MALRD1: variants seen among roughly 807,000 people sequenced by gnomAD.
MALRD1 encodes MAM and LDL receptor class A domain containing 1.
A neutral mutation model predicts 242.1 loss-of-function variants in MALRD1; 247 were observed. The observed-to-expected ratio is 1.02, with a 90% CI of 0.92 to 1.13. MALRD1 has a LOEUF of 1.13. MALRD1 is among the 50% of genes most tolerant of loss of function. The pLI, the probability that MALRD1 is intolerant of heterozygous loss-of-function variation, is 0.00. For missense variants in MALRD1, 2,989 were observed against 2,533.1 expected (o/e 1.18, Z -3.86); for synonymous variants, 995 against 866.6 (o/e 1.15, Z -2.60).
intron 27 of MALRD1, among the ~76,000 whole-genome samples, chr10:19,388,869 C>A: frequency 9.8e-6 from 1 of 101,696 alleles, no homozygotes. Context: ...ATTGAAATTC[C>A]ATAGGTCTAC....
At chr10:19,341,432 C>G (rs1372022429) in intron 24 of MALRD1, among the ~76,000 whole-genome samples, 1 of 98,990 alleles carries the variant, frequency 1.0e-5, no homozygotes, top group Non-Finnish European at 2.1e-5. Flanking sequence ...TAAAATAACA[C>G]TATATGTATA....
chr10:19,703,029 A>G (rs1293837629), intron 38 of MALRD1, among the ~76,000 whole-genome samples: 2 of 152,140 alleles, frequency 1.3e-5, no homozygotes, highest in African/African-American at 4.8e-5. Flanking sequence ...ATTTTATTAT[A>G]CATTCTGTGA....
chr10:19,446,076 C>A (rs1236077668), intron 28 of MALRD1, among the ~76,000 whole-genome samples: 1 of 152,148 alleles, frequency 6.6e-6, no homozygotes, highest in Non-Finnish European at 1.5e-5. Flanking sequence ...GGGCGTGGGA[C>A]CCTCCGAGCC....
At chr10:19,571,183 A>G (rs138306313) in intron 33 of MALRD1, among the ~76,000 whole-genome samples, 1 of 152,280 alleles carries the variant, frequency 6.6e-6, no homozygotes, top group East Asian at 1.9e-4. Flanking sequence ...ATCAGGCAGA[A>G]TAAACATTAT....
intron 21 of MALRD1, among the ~76,000 whole-genome samples, chr10:19,311,786 T>C (rs1842437455): frequency 6.6e-6 from 1 of 151,410 alleles, no homozygotes; most frequent in African/African-American, 2.4e-5. Context: ...CAAATCAAAG[T>C]TTCCTTTCAA....
At chr10:19,079,317 T>A (rs552469819) in intron 2 of MALRD1, among the ~76,000 whole-genome samples, 2 of 152,014 alleles carry the variant, frequency 1.3e-5, no homozygotes, top group South Asian at 4.1e-4. Context: ...TTAATTTAAA[T>A]CATTCTGTTA....
chr10:19,691,889 T>C (rs1009081530), intron 36 of MALRD1, among the ~76,000 whole-genome samples: 1 of 152,128 alleles, frequency 6.6e-6, no homozygotes, highest in Non-Finnish European at 1.5e-5. Flanking sequence ...ATCTGCTCTG[T>C]TGGTTTTCTG....
chr10:19,626,660 C>A (rs1454040330), intron 36 of MALRD1, among the ~76,000 whole-genome samples: 2 of 151,736 alleles, frequency 1.3e-5, no homozygotes, highest in East Asian at 3.9e-4. Flanking sequence ...AGTACATGCA[C>A]ATCACCCACA....
At chr10:19,156,720 A>G (rs989035074) in intron 12 of MALRD1, among the ~76,000 whole-genome samples, 9 of 152,202 alleles carry the variant, frequency 5.9e-5, no homozygotes, top group African/African-American at 2.2e-4. Flanking sequence ...ATATGATTTT[A>G]AAAGGTAATC....
At chr10:19,080,092 C>G (rs1057053614) in intron 2 of MALRD1, among the ~76,000 whole-genome samples, 1 of 151,940 alleles carries the variant, frequency 6.6e-6, no homozygotes, top group African/African-American at 2.4e-5. Context: ...AGGAGAGCTA[C>G]AAACTACTGC....
At chr10:19,251,353 C>T (rs1839284497) in intron 18 of MALRD1, among the ~76,000 whole-genome samples, 1 of 151,942 alleles carries the variant, frequency 6.6e-6, no homozygotes, top group African/African-American at 2.4e-5. Context: ...AAAATAAGCT[C>T]TTCTTGCCAC....
chr10:19,349,267 A>G (rs1244592475), intron 25 of MALRD1, among the ~76,000 whole-genome samples: 2 of 152,126 alleles, frequency 1.3e-5, no homozygotes, highest in Non-Finnish European at 2.9e-5. Flanking sequence ...AGCCCAACTT[A>G]CACTTCTCTG....
At chr10:19,276,643 T>C (rs1157624086) in intron 19 of MALRD1, among the ~76,000 whole-genome samples, 1 of 152,196 alleles carries the variant, frequency 6.6e-6, no homozygotes, top group African/African-American at 2.4e-5. Context: ...CATTCAAAAA[T>C]GATAAAATGA....
At chr10:19,262,474 G>C (rs893063080) in intron 19 of MALRD1, among the ~76,000 whole-genome samples, 1 of 151,740 alleles carries the variant, frequency 6.6e-6, no homozygotes, top group Non-Finnish European at 1.5e-5. Flanking sequence ...TGGTCAACAT[G>C]GTGAAACGTG....
chr10:19,713,939 C>T (rs1228736846), intron 38 of MALRD1, among the ~76,000 whole-genome samples: 3 of 152,082 alleles, frequency 2.0e-5, no homozygotes, highest in East Asian at 1.9e-4. Context: ...GGGCTTGCTC[C>T]GTCGATGCCC....
intron 33 of MALRD1, among the ~76,000 whole-genome samples, chr10:19,573,040 A>G (rs946539126): frequency 3.9e-5 from 6 of 152,256 alleles, no homozygotes; most frequent in African/African-American, 1.2e-4. Flanking sequence ...ATTGAACTCT[A>G]TTTTATAGTC....
chr10:19,177,743 A>G (rs888937914), intron 14 of MALRD1, among the ~76,000 whole-genome samples: 5 of 152,100 alleles, frequency 3.3e-5, no homozygotes, highest in African/African-American at 1.2e-4. Flanking sequence ...GCCATTTTGA[A>G]ATGTGATCGG....
chr10:19,132,354 T>C (rs1217811247), intron 8 of MALRD1, among the ~76,000 whole-genome samples: 1 of 152,202 alleles, frequency 6.6e-6, no homozygotes, highest in Non-Finnish European at 1.5e-5. Context: ...TGATCCGCCA[T>C]GAAAGCTATC....
At position 19,734,142 on chromosome 10, in the gene MALRD1, G is replaced by GT; in HGVS notation, c.6391-10dup. 6.6e-7 allele frequency: 1 copy of GT among 1,525,912 alleles called. No individual in the cohort carries two copies. Among genetic ancestry groups the GT allele is most frequent in the Admixed American group, 2.0e-5 (1 of 49,420 alleles). 94.5% of individuals were successfully genotyped at this position (1,525,912 alleles called of 1,614,324 possible). A position where few individuals can be genotyped will look rare whatever the true frequency, so the allele number is the denominator to read the frequency against. On this transcript the variant is annotated splice_polypyrimidine_tract_variant and intron_variant, in intron 39 of 39. Transcript: ENST00000454679. ...CCTAAAATTCCACCCTTTCAAATGT[G>GT]TTTTTCTTCGTCAGAGTTCTGTCTA...
Sources: gnomAD v4.1 joint callset for allele counts (sites outside exome capture counted in the v4.1 genomes callset) on GRCh38, gnomAD v4.1.1 for gene constraint, MANE v1.5 for transcripts, NCBI Gene and HGNC (gene_info 2026-07-23, HGNC 2026-07-21) for gene names.